The following NBPF11 variants were observed in gnomAD, a reference collection of about 807,000 sequenced individuals.
NBPF11 encodes NBPF family member NBPF11.
Under a neutral mutation model 93.9 loss-of-function variants are expected in NBPF11, and 72 were observed. The observed-to-expected ratio is 0.77, with a 90% confidence interval of 0.63 to 0.93. The LOEUF (loss-of-function observed/expected upper bound fraction) is 0.93. Ranked by LOEUF, NBPF11 falls within the 40% of genes least tolerant of loss-of-function variation. The pLI, the probability that NBPF11 is intolerant of heterozygous loss-of-function variation, is 0.00. For missense variants in NBPF11, 705 were observed against 802.2 expected, an observed-to-expected ratio of 0.88 and a Z score of 1.46; for synonymous variants, 224 against 304.9, an observed-to-expected ratio of 0.73 and a Z score of 2.76.
chr1:148,147,698 C>T (rs1352497360), intron 1 of NBPF11, among the ~76,000 whole-genome samples: 27 of 151,960 alleles, frequency 1.8e-4, no homozygotes, highest in South Asian at 2.1e-4. Context: ...GTGGGGTCGT[C>T]GTTGCCTTGG....
In NBPF11 at chr1:148,103,608, T is replaced by A. The variant is rs1662794796; in HGVS notation, c.*288A>T. 5.0e-6 allele frequency: 8 copies of A among 1,610,028 alleles called. No homozygotes were observed. Among genetic ancestry groups the A allele is most frequent in the Non-Finnish European group, 6.8e-6 (8 of 1,178,394 alleles). ...AAATGGAACTATAGTTTCATTCAAA[T>A]CTTCAGGTGCCTATAGGTCCTGCCT... On this transcript the variant is annotated 3_prime_UTR_variant, in exon 24 of 24. Coordinates refer to ENST00000682118, the MANE Select transcript of NBPF11 (RefSeq NM_001385469.3).
At chr1:148,148,696 G>C (rs1357579850) in intron 1 of NBPF11, among the ~76,000 whole-genome samples, 6 of 152,054 alleles carry the variant, frequency 3.9e-5, no homozygotes, top group Non-Finnish European at 7.3e-5. Flanking sequence ...TCATGGCCAA[G>C]GGGGTGGGCA....
chr1:148,148,340 G>A lies in NBPF11; in HGVS notation c.-549+3410C>T, dbSNP rs879134059. On this transcript the variant is annotated intron_variant, in intron 1 of 23. Coordinates refer to ENST00000682118, the MANE Select transcript of NBPF11 (RefSeq NM_001385469.3). Reference sequence around the variant, plus strand: ...TCTGCCTGGGATCAGAGCCTAGAGCGTGTGGGAGGAGAGTTGTGGGGTCCC... The same window carrying A: ...TCTGCCTGGGATCAGAGCCTAGAGCATGTGGGAGGAGAGTTGTGGGGTCCC... Among the ~76,000 whole-genome samples, 78 of 152,324 alleles carry A rather than the reference G, an allele frequency of 5.1e-4. No homozygotes were observed. In the South Asian group the frequency reaches 0.011, roughly 22 times the overall value.
At chr1:148,126,662 A>G (rs1168201334) in intron 5 of NBPF11, among the ~76,000 whole-genome samples, 167 bp downstream of exon 5, 1 of 151,234 alleles carries the variant, frequency 6.6e-6, no homozygotes, top group Non-Finnish European at 1.5e-5. Context: ...GCAAACATGG[A>G]AAGTTGCTAA....
rs1246834822 is a variant in NBPF11 at position 148,116,219 on chromosome 1, T to A, written c.1380-221A>T. On this transcript the variant is annotated intron_variant, in intron 13 of 23. Transcript: ENST00000682118. ...AGAGAGCAGCTGCTGTTCATTGCAC[T>A]GGACAGATAGGAGCTGAGGAGGATG... is the stretch of plus-strand genomic sequence containing the variant. Among the ~76,000 whole-genome samples, 4 of 151,988 alleles carry A rather than the reference T, an allele frequency of 2.6e-5. No individual in the cohort carries two copies. The East Asian group carries it at 7.7e-4, about 29-fold the overall frequency.
At chr1:148,151,538 G>A (rs1436881576) in intron 1 of NBPF11, among the ~76,000 whole-genome samples, 6 of 152,024 alleles carry the variant, frequency 3.9e-5, no homozygotes, top group African/African-American at 9.7e-5. Context: ...CAGCGCCCAC[G>A]AGAGGAGGGC....
chr1:148,136,093 G>A (rs79575222), intron 3 of NBPF11, among the ~76,000 whole-genome samples: 31 of 152,022 alleles, frequency 2.0e-4, no homozygotes, highest in Admixed American at 3.9e-4. Flanking sequence ...TGGAAGTAGC[G>A]AAAGCTTTCT....
chr1:148,136,837 G>T (rs1671369690), intron 3 of NBPF11, among the ~76,000 whole-genome samples: 1 of 151,898 alleles, frequency 6.6e-6, no homozygotes, highest in East Asian at 1.9e-4. Context: ...TGCACTTAAT[G>T]GACACTCTCG....
intron 6 of NBPF11, 78 bp from the exon 7 acceptor site, chr1:148,124,145 G>A: frequency 6.5e-7 from 1 of 1,543,418 alleles, no homozygotes. Context: ...AGAGATTTCT[G>A]AGACAATGTT....
chr1:148,118,040 G>T (rs1207267227), intron 11 of NBPF11, among the ~76,000 whole-genome samples: 2 of 151,770 alleles, frequency 1.3e-5, no homozygotes, highest in African/African-American at 2.4e-5. Flanking sequence ...AAAAGTAGGT[G>T]TCTTCCTAAT....
intron 1 of NBPF11, among the ~76,000 whole-genome samples, chr1:148,148,682 T>TTCC (rs1255571729): frequency 6.6e-6 from 1 of 151,946 alleles, no homozygotes; most frequent in African/African-American, 2.4e-5. Context: ...GCTGCCTGAA[T>TTCC]TCCTCATGGC....
At chr1:148,120,824 T>A (rs1667649900) in intron 9 of NBPF11, 114 bp from the exon 10 acceptor site, 1 of 845,250 alleles carries the variant, frequency 1.2e-6, no homozygotes. Context: ...GAAGATGTTG[T>A]TTCCCTGGTT....
chr1:148,125,985 T>C (rs1262658316), intron 5 of NBPF11, among the ~76,000 whole-genome samples: 1 of 152,052 alleles, frequency 6.6e-6, no homozygotes, highest in East Asian at 1.9e-4. Context: ...TTTATTTTTA[T>C]TTTTGATTTA....
chr1:148,146,941 C>A (rs1673229805), intron 1 of NBPF11: 6 of 1,590,496 alleles, frequency 3.8e-6, no homozygotes, highest in East Asian at 2.3e-5. Flanking sequence ...ACCCTGGGGG[C>A]AGCTCAGCCT....
At chr1:148,136,334 C>T (rs1671276700) in intron 3 of NBPF11, among the ~76,000 whole-genome samples, 1 of 151,478 alleles carries the variant, frequency 6.6e-6, no homozygotes, top group African/African-American at 2.4e-5. Context: ...TCTATCAATA[C>T]AAGAATGGAT....
intron 1 of NBPF11, among the ~76,000 whole-genome samples, chr1:148,147,347 G>T (rs1673334685): frequency 6.6e-6 from 1 of 152,084 alleles, no homozygotes; most frequent in Non-Finnish European, 1.5e-5. Context: ...ACTGGCCCAT[G>T]AGGCCCTGTG....
At chr1:148,109,213 A>T in intron 17 of NBPF11, 71 bp downstream of exon 17, 3 of 967,114 alleles carry the variant, frequency 3.1e-6, no homozygotes, top group Non-Finnish European at 3.3e-6. Context: ...TTCAGCGTGT[A>T]CTGTTTTCCC....
chr1:148,126,842 T>C lies in NBPF11; in HGVS notation c.162A>G (p.Arg54=), dbSNP rs4271267. 4 of 1,571,268 alleles carry C rather than the reference T, an allele frequency of 2.5e-6. No individual in the cohort carries two copies. The highest frequency in any genetic ancestry group is 2.7e-5 in the African/African-American group (2 of 73,502). The part of the protein sequence containing the change: ...LTQLAGFLAN[R]QKKYKYEECK... ...TATAGATCTTACTGTATTTCTTCTGTCGGTTGGCCAGGAAGCCGGCCAGTT... is the reference window on the plus strand; with the variant it reads ...TATAGATCTTACTGTATTTCTTCTGCCGGTTGGCCAGGAAGCCGGCCAGTT... The change falls in exon 5 of 24, where the codon CGA becomes CGG. Residue 54 remains arginine (R), a synonymous_variant. Transcript: ENST00000682118.
At chr1:148,132,275 A>G (rs1670525480) in intron 4 of NBPF11, among the ~76,000 whole-genome samples, 1 of 146,790 alleles carries the variant, frequency 6.8e-6, no homozygotes, top group Admixed American at 6.8e-5. Context: ...ATACATATAT[A>G]TATGTCCTAA....
Sources: gnomAD v4.1 joint callset for allele counts (sites outside exome capture counted in the v4.1 genomes callset) on GRCh38, gnomAD v4.1.1 for gene constraint, MANE v1.5 for transcripts, NCBI Gene and HGNC (gene_info 2026-07-23, HGNC 2026-07-21) for gene names.